MGMT: variants seen among roughly 807,000 people sequenced by gnomAD.
MGMT encodes methylated-DNA--protein-cysteine methyltransferase.
In MGMT, 14 loss-of-function variants were observed where a neutral mutation model predicts 15.9. The observed-to-expected ratio is 0.88, with a 90% CI of 0.58 to 1.37. The LOEUF (loss-of-function observed/expected upper bound fraction) is 1.37. Ranked by LOEUF, MGMT falls within the 40% of genes most tolerant of loss-of-function variation. MGMT has a pLI of 0.00. For synonymous variants in MGMT, 130 were observed against 118.2 expected (o/e 1.10, Z -0.65); for missense variants, 282 against 268.1 (o/e 1.05, Z -0.36).
chr10:129,727,205 T>G (rs1221063268), intron 3 of MGMT, among the ~76,000 whole-genome samples: 1 of 152,144 alleles, frequency 6.6e-6, no homozygotes, highest in African/African-American at 2.4e-5. Context: ...CAGCAGGATA[T>G]GGAGGAAGTG....
At chr10:129,714,759 C>T (rs1197014429) in intron 3 of MGMT, among the ~76,000 whole-genome samples, 2 of 152,094 alleles carry the variant, frequency 1.3e-5, no homozygotes, top group Non-Finnish European at 2.9e-5. Context: ...AAAAACTGTG[C>T]GCATTGAAGG....
intron 2 of MGMT, among the ~76,000 whole-genome samples, chr10:129,624,804 G>A (rs866888711): frequency 5.9e-5 from 9 of 152,140 alleles, no homozygotes; most frequent in African/African-American, 1.9e-4. Flanking sequence ...AGACTAAGGC[G>A]GCACACCTTA....
In MGMT at chr10:129,532,536, C is replaced by T. The variant is rs1374726379; in HGVS notation, c.-12-3705C>T. ...TCCTTCCTCCGGGTGGGGGACACCCCATCCCCCATGCCCCTACTTCAGCTT... is the reference window on the plus strand; with the variant it reads ...TCCTTCCTCCGGGTGGGGGACACCCTATCCCCCATGCCCCTACTTCAGCTT... On this transcript the variant is annotated intron_variant, in intron 1 of 4. Coordinates refer to ENST00000651593, the MANE Select transcript of MGMT (RefSeq NM_002412.5). This position sits in a 1 kb window ranked among gnomAD's most constrained non-coding sequence, Gnocchi z 5.3. 6.6e-6 allele frequency among the ~76,000 whole-genome samples: 1 copy of T among 152,114 alleles called. No homozygotes were observed. Among genetic ancestry groups the T allele is most frequent in the Non-Finnish European group, 1.5e-5 (1 of 68,022 alleles).
chr10:129,622,378 G>A (rs990622301), intron 2 of MGMT, among the ~76,000 whole-genome samples: 3 of 152,212 alleles, frequency 2.0e-5, no homozygotes, highest in African/African-American at 7.2e-5. Flanking sequence ...TCTCAAATTT[G>A]AAATCTGGAG....
intron 1 of MGMT, among the ~76,000 whole-genome samples, chr10:129,476,878 C>T (rs1845300989): frequency 6.6e-6 from 1 of 152,192 alleles, no homozygotes; most frequent in South Asian, 2.1e-4. Flanking sequence ...TGGCAGGGTC[C>T]ACCACAGGAG....
intron 2 of MGMT, among the ~76,000 whole-genome samples, chr10:129,539,522 T>G (rs1048917391): frequency 3.3e-5 from 5 of 152,152 alleles, no homozygotes; most frequent in Non-Finnish European, 7.4e-5. Flanking sequence ...TTTGTTTTGT[T>G]TTGAGACGGA....
intron 3 of MGMT, among the ~76,000 whole-genome samples, chr10:129,726,346 T>C (rs976464631): frequency 1.3e-5 from 2 of 152,072 alleles, no homozygotes; most frequent in African/African-American, 4.8e-5. Context: ...CACGTGCAGG[T>C]GGAGTCCAGG....
intron 3 of MGMT, among the ~76,000 whole-genome samples, chr10:129,758,514 G>A (rs1848833061): frequency 1.3e-5 from 2 of 152,178 alleles, no homozygotes; most frequent in South Asian, 4.2e-4. Flanking sequence ...GAGGCAGAGG[G>A]AGAGAATGTT....
At chr10:129,471,646 G>A (rs1442710105) in intron 1 of MGMT, among the ~76,000 whole-genome samples, 1 of 152,118 alleles carries the variant, frequency 6.6e-6, no homozygotes, top group Non-Finnish European at 1.5e-5. Context: ...CTCTGCATCA[G>A]AATTACTGTG....
chr10:129,759,231 C>G lies in MGMT; in HGVS notation c.304C>G (p.Leu102Val). 6.2e-7 allele frequency: 1 copy of G among 1,614,202 alleles called. No homozygotes were observed. The highest frequency in any genetic ancestry group is 8.5e-7 in the Non-Finnish European group (1 of 1,180,042). Residue 102 changes from leucine (L) to valine (V), a missense_variant, in exon 4 of 5, where the codon CTG becomes GTG. Coordinates refer to ENST00000651593, the MANE Select transcript of MGMT (RefSeq NM_002412.5). ...ESFTRQVLWK[L>V]LKVVKFGEVI... The stretch of plus-strand genomic sequence containing the variant: ...GTTCACCAGACAGGTGTTATGGAAG[C>G]TGCTGAAGGTTGTGAAATTCGGAGA...
In MGMT at chr10:129,470,112, C is replaced by T. The variant is rs1589824870; in HGVS notation, c.-13+2816C>T. Among the ~76,000 whole-genome samples, 6 of 152,280 alleles carry T rather than the reference C, an allele frequency of 3.9e-5. No individual in the cohort carries two copies. The South Asian group carries it at 1.2e-3, about 32-fold the overall frequency. On this transcript the variant is annotated intron_variant, in intron 1 of 4. Coordinates refer to ENST00000651593, the MANE Select transcript of MGMT (RefSeq NM_002412.5). The stretch of plus-strand genomic sequence containing the variant: ...GGTGAGAGTGGTCTTTATATAGACA[C>T]TCATGATGCACAAGCCAGCCCTTCG...
At chr10:129,515,239 C>T (rs1360359533) in intron 1 of MGMT, among the ~76,000 whole-genome samples, 2 of 152,232 alleles carry the variant, frequency 1.3e-5, no homozygotes, top group African/African-American at 2.4e-5. Context: ...GGACCCACAG[C>T]TGCTGCTTCC....
intron 2 of MGMT, among the ~76,000 whole-genome samples, chr10:129,646,754 A>ATATATATATATTTTTTTTT: frequency 1.6e-4 from 14 of 86,666 alleles, no homozygotes; most frequent in South Asian, 3.4e-4. Flanking sequence ...ATATATATAT[A>ATATATATATATTTTTTTTT]TTTTCAGGGA....
At chr10:129,545,949 T>G (rs1009908309) in intron 2 of MGMT, among the ~76,000 whole-genome samples, 2 of 152,202 alleles carry the variant, frequency 1.3e-5, no homozygotes, top group Admixed American at 6.5e-5. Context: ...TTAAATTGAG[T>G]TAAAGGTTAA....
intron 3 of MGMT, among the ~76,000 whole-genome samples, chr10:129,758,919 C>T (rs895349733): frequency 1.3e-5 from 2 of 152,208 alleles, no homozygotes; most frequent in Admixed American, 6.5e-5. Context: ...GAGTGGCACA[C>T]GCAACCCCAC....
intron 4 of MGMT, among the ~76,000 whole-genome samples, chr10:129,764,097 C>G (rs1331955631): frequency 6.6e-6 from 1 of 152,208 alleles, no homozygotes; most frequent in Non-Finnish European, 1.5e-5. Context: ...CTCAACAGTC[C>G]ACGTCAAGGA....
At chr10:129,598,014 C>T (rs371239994) in intron 2 of MGMT, among the ~76,000 whole-genome samples, 11 of 152,288 alleles carry the variant, frequency 7.2e-5, no homozygotes, top group African/African-American at 2.6e-4. Flanking sequence ...TGGCTCTCGG[C>T]CCCTGGGCCT....
chr10:129,518,471 TG>T (rs1845765939), intron 1 of MGMT, among the ~76,000 whole-genome samples: 1 of 102,554 alleles, frequency 9.8e-6, no homozygotes, highest in Non-Finnish European at 2.0e-5. Context: ...AGACTGCCCC[TG>T]CCCCTCCTCC....
At chr10:129,529,897 C>G (rs915356764) in intron 1 of MGMT, among the ~76,000 whole-genome samples, 3 of 150,308 alleles carry the variant, frequency 2.0e-5, no homozygotes, top group Non-Finnish European at 4.4e-5. Context: ...TTTCTTTTTC[C>G]TTTTTTTTCT....
Sources: gnomAD v4.1 joint callset for allele counts (sites outside exome capture counted in the v4.1 genomes callset) on GRCh38, gnomAD v4.1.1 for gene constraint, Gnocchi (gnomAD v3.1) non-coding constraint, MANE v1.5 for transcripts, NCBI Gene and HGNC (gene_info 2026-07-23, HGNC 2026-07-21) for gene names.